The following PTPRD variants were observed in gnomAD, a reference collection of about 807,000 sequenced individuals.
The protein encoded by PTPRD is protein tyrosine phosphatase receptor type D.
In PTPRD, 34 loss-of-function variants were observed where a neutral mutation model predicts 214.5. That is an observed-to-expected ratio of 0.16 (90% CI 0.12 to 0.21). PTPRD has a LOEUF of 0.21. PTPRD is among the 10% of genes least tolerant of loss of function. PTPRD has a pLI of 1.00. For missense variants in PTPRD, 2,545 were observed against 2,398.7 expected (o/e 1.06, Z -1.27); for synonymous variants, 1,128 against 845.7 (o/e 1.33, Z -5.79).
At chr9:10,362,239 T>C (rs756810068) in intron 2 of PTPRD, among the ~76,000 whole-genome samples, 4 of 152,126 alleles carry the variant, frequency 2.6e-5, no homozygotes, top group Non-Finnish European at 4.4e-5. Context: ...TAACAATTTC[T>C]CACACTTACA....
At chr9:10,538,625 C>T (rs868496630) in intron 2 of PTPRD, among the ~76,000 whole-genome samples, 4 of 152,068 alleles carry the variant, frequency 2.6e-5, no homozygotes, top group African/African-American at 9.7e-5. Flanking sequence ...TCTCCCCTCT[C>T]ATCTCCCTTG....
intron 2 of PTPRD, among the ~76,000 whole-genome samples, chr9:10,451,401 G>A (rs1392171944): frequency 3.3e-5 from 5 of 151,546 alleles, no homozygotes; most frequent in Non-Finnish European, 7.4e-5. Flanking sequence ...CAATCCCATG[G>A]CAATTGTGGC....
At chr9:10,229,477 A>T (rs866975530) in intron 3 of PTPRD, among the ~76,000 whole-genome samples, 2 of 152,110 alleles carry the variant, frequency 1.3e-5, no homozygotes, top group South Asian at 2.1e-4. Context: ...GATAGACTGG[A>T]TTAAGAAAAT....
At chr9:10,523,165 A>G (rs1043174219) in intron 2 of PTPRD, among the ~76,000 whole-genome samples, 2 of 152,110 alleles carry the variant, frequency 1.3e-5, no homozygotes, top group Non-Finnish European at 2.9e-5. Context: ...CATTTGGGAA[A>G]TATACATTAA....
chr9:9,090,449 T>C (rs1328977872), intron 10 of PTPRD, among the ~76,000 whole-genome samples: 1 of 152,224 alleles, frequency 6.6e-6, no homozygotes, highest in Non-Finnish European at 1.5e-5. Context: ...TGTGTGTCTT[T>C]AATCAGAACA....
chr9:8,680,030 T>A (rs1380762578), intron 12 of PTPRD, among the ~76,000 whole-genome samples: 3 of 152,212 alleles, frequency 2.0e-5, no homozygotes, highest in Non-Finnish European at 4.4e-5. Context: ...GGAGATTAAA[T>A]GTAATATTGA....
intron 11 of PTPRD, among the ~76,000 whole-genome samples, chr9:8,744,753 T>TA (rs1343388718): frequency 6.6e-6 from 1 of 152,192 alleles, no homozygotes; most frequent in Non-Finnish European, 1.5e-5. Flanking sequence ...CTAGAGAACT[T>TA]ATGCACATAA....
chr9:8,859,735 G>A (rs1310001469), intron 11 of PTPRD, among the ~76,000 whole-genome samples: 1 of 148,096 alleles, frequency 6.8e-6, no homozygotes, highest in Non-Finnish European at 1.5e-5. Flanking sequence ...TGCCCCCTAT[G>A]TACTCCAAAA....
chr9:10,305,346 G>C (rs1429922201), intron 3 of PTPRD, among the ~76,000 whole-genome samples: 1 of 148,246 alleles, frequency 6.7e-6, no homozygotes, highest in Non-Finnish European at 1.5e-5. Context: ...CATAGGCATG[G>C]GCAAAGACTT....
At chr9:9,257,332 A>G (rs1035363180) in intron 9 of PTPRD, among the ~76,000 whole-genome samples, 1 of 151,956 alleles carries the variant, frequency 6.6e-6, no homozygotes, top group South Asian at 2.1e-4. Flanking sequence ...TATGATGTTG[A>G]GTCTGTGGTA....
chr9:8,397,637 C>T (rs1460477754), intron 36 of PTPRD, among the ~76,000 whole-genome samples: 1 of 152,138 alleles, frequency 6.6e-6, no homozygotes, highest in Non-Finnish European at 1.5e-5. Context: ...CCACAGAACA[C>T]TCTGCAGAAG....
chr9:9,477,026 C>T (rs1473127200), intron 8 of PTPRD, among the ~76,000 whole-genome samples: 2 of 152,098 alleles, frequency 1.3e-5, no homozygotes, highest in Non-Finnish European at 1.5e-5. Flanking sequence ...TGAGCCACCA[C>T]ACCTGGCCCT....
intron 12 of PTPRD, among the ~76,000 whole-genome samples, chr9:8,645,764 G>A (rs189927218): frequency 6.6e-6 from 1 of 152,002 alleles, no homozygotes; most frequent in Admixed American, 6.6e-5. Context: ...CTAACTGCTT[G>A]AAAGATTACC....
intron 8 of PTPRD, among the ~76,000 whole-genome samples, chr9:9,473,980 G>C (rs2094826084): frequency 1.3e-5 from 2 of 151,726 alleles, no homozygotes; most frequent in Non-Finnish European, 2.9e-5. Context: ...TAGTCCATTT[G>C]TCTATTTTTG....
chr9:10,140,327 T>C (rs1312597261), intron 3 of PTPRD, among the ~76,000 whole-genome samples: 1 of 149,226 alleles, frequency 6.7e-6, no homozygotes, highest in Non-Finnish European at 1.5e-5. Flanking sequence ...CAATCATTAA[T>C]AAAAAAAAAT....
At chr9:8,895,968 T>C (rs1203345414) in intron 11 of PTPRD, among the ~76,000 whole-genome samples, 2 of 152,224 alleles carry the variant, frequency 1.3e-5, no homozygotes, top group Non-Finnish European at 2.9e-5. Context: ...AGTTTGCTCT[T>C]GTAAAAATCC....
chr9:8,661,854 G>T (rs1167755661), intron 12 of PTPRD, among the ~76,000 whole-genome samples: 1 of 152,112 alleles, frequency 6.6e-6, no homozygotes, highest in East Asian at 1.9e-4. Flanking sequence ...ATAGCATTTT[G>T]TACATTTCAC....
chr9:9,443,265 G>A (rs1263798963), intron 8 of PTPRD, among the ~76,000 whole-genome samples: 2 of 147,368 alleles, frequency 1.4e-5, no homozygotes, highest in Non-Finnish European at 3.0e-5. Context: ...ATAAATAACA[G>A]CATGGACAGG....
At chr9:9,732,862 T>A (rs1322747789) in intron 7 of PTPRD, among the ~76,000 whole-genome samples, 1 of 152,018 alleles carries the variant, frequency 6.6e-6, no homozygotes, top group African/African-American at 2.4e-5. Context: ...GGTAGGAGGA[T>A]TTCTTGAACC....
Sources: gnomAD v4.1 joint callset for allele counts (sites outside exome capture counted in the v4.1 genomes callset) on GRCh38, gnomAD v4.1.1 for gene constraint, MANE v1.5 for transcripts, NCBI Gene and HGNC (gene_info 2026-07-23, HGNC 2026-07-21) for gene names.